The following LMX1B variants were observed in gnomAD, a reference collection of about 807,000 sequenced individuals.
The protein encoded by LMX1B is LIM homeobox transcription factor 1-beta.
In LMX1B, 12 loss-of-function variants were observed where a neutral mutation model predicts 51.4. The ratio of observed to expected loss-of-function variants is 0.23; its 90% CI spans 0.15 to 0.38. The LOEUF (loss-of-function observed/expected upper bound fraction) is 0.38, where lower values mean the gene tolerates loss of function less well. Among genes scored for constraint, LMX1B ranks in the 10% least tolerant of loss-of-function variants. The pLI, the probability that LMX1B is intolerant of heterozygous loss-of-function variation, is 1.00. For missense variants in LMX1B, 445 were observed against 571.1 expected (o/e 0.78, Z 2.25); for synonymous variants, 237 against 235.4 (o/e 1.01, Z -0.06).
chr9:126,673,177 G>A lies in LMX1B; in HGVS notation c.327-17659G>A, dbSNP rs150004042. 7.9e-5 allele frequency among the ~76,000 whole-genome samples: 12 copies of A among 152,154 alleles called. No individual in the cohort carries two copies. The highest frequency in any genetic ancestry group is 1.6e-4 in the Non-Finnish European group (11 of 68,032). ...GAGGAGATGAGAACTCCAGAAGCTC[G>A]GGCCAGAGCCTGGCTCACAGCAGGT... On this transcript the variant is annotated intron_variant, in intron 2 of 7. Transcript: ENST00000373474. This position sits in a 1 kb window ranked among gnomAD's most constrained non-coding sequence, Gnocchi z 4.4.
chr9:126,678,149 T>C (rs577786926), intron 2 of LMX1B, among the ~76,000 whole-genome samples: 3 of 151,398 alleles, frequency 2.0e-5, no homozygotes, highest in Non-Finnish European at 2.9e-5. Flanking sequence ...CATCTCTACT[T>C]AAAATACAAA....
Position 126,618,918 on chromosome 9 carries a change from G to C in LMX1B, c.326+3349G>C, listed in dbSNP as rs1835356365. ...GGTGCAAGCGGGCGCCTTTGTGCACGGCGAGACGCGGGGTTCCGGCCCGGG... is the reference window on the plus strand; with the variant it reads ...GGTGCAAGCGGGCGCCTTTGTGCACCGCGAGACGCGGGGTTCCGGCCCGGG... On this transcript the variant is annotated intron_variant, in intron 2 of 7. Transcript: ENST00000373474. This position sits in a 1 kb window ranked among gnomAD's most constrained non-coding sequence, Gnocchi z 4.5. 6.6e-6 allele frequency among the ~76,000 whole-genome samples: 1 copy of C among 151,894 alleles called. No homozygotes were observed. The highest frequency in any genetic ancestry group is 2.1e-4 in the South Asian group (1 of 4,804).
intron 2 of LMX1B, among the ~76,000 whole-genome samples, chr9:126,631,516 C>G (rs4076039): frequency 6.7e-6 from 1 of 149,570 alleles, no homozygotes; most frequent in South Asian, 2.2e-4. Context: ...CTCGGCCGGC[C>G]GGGATGGGGC....
At chr9:126,651,139 C>T (rs1330043201) in intron 2 of LMX1B, among the ~76,000 whole-genome samples, 1 of 151,954 alleles carries the variant, frequency 6.6e-6, no homozygotes, top group Non-Finnish European at 1.5e-5. Flanking sequence ...ATCTCTCTCT[C>T]TCTCTCCCTC....
At chr9:126,624,668 T>G (rs1380695995) in intron 2 of LMX1B, among the ~76,000 whole-genome samples, 12 of 840 alleles carry the variant, frequency 0.014, no homozygotes, top group Non-Finnish European at 0.054. Context: ...TTTATCTTGT[T>G]TTTTTTTTTT....
chr9:126,688,058 C>G (rs547108887), intron 2 of LMX1B, among the ~76,000 whole-genome samples: 2 of 152,192 alleles, frequency 1.3e-5, no homozygotes, highest in Non-Finnish European at 2.9e-5. Flanking sequence ...GGAGACCAAA[C>G]GGATGGCGCA....
At chr9:126,669,665 C>T (rs184663230) in intron 2 of LMX1B, among the ~76,000 whole-genome samples, 1 of 152,238 alleles carries the variant, frequency 6.6e-6, no homozygotes, top group Admixed American at 6.5e-5. Context: ...CCTGTGTGTA[C>T]GTCTGTATAT....
chr9:126,633,619 G>A (rs905686629), intron 2 of LMX1B, among the ~76,000 whole-genome samples: 3 of 152,104 alleles, frequency 2.0e-5, no homozygotes, highest in African/African-American at 4.8e-5. Context: ...AGTACCCTCC[G>A]GGAGATGGGA....
chr9:126,668,868 T>A (rs1463755881), intron 2 of LMX1B, among the ~76,000 whole-genome samples: 4 of 152,234 alleles, frequency 2.6e-5, no homozygotes, highest in Non-Finnish European at 5.9e-5. Flanking sequence ...CAGGGGATGA[T>A]AGACAGGCAG....
intron 2 of LMX1B, among the ~76,000 whole-genome samples, chr9:126,639,841 T>G (rs1349556858): frequency 6.6e-6 from 1 of 152,234 alleles, no homozygotes; most frequent in Non-Finnish European, 1.5e-5. Context: ...GCTTCTCATA[T>G]GTGGGGCTGT....
chr9:126,662,274 C>T (rs1459051723), intron 2 of LMX1B, among the ~76,000 whole-genome samples: 2 of 152,146 alleles, frequency 1.3e-5, no homozygotes, highest in African/African-American at 4.8e-5. Flanking sequence ...CTGTGTGGTG[C>T]TTAGCATGAG....
chr9:126,685,994 G>T (rs1393911556), intron 2 of LMX1B, among the ~76,000 whole-genome samples: 1 of 152,098 alleles, frequency 6.6e-6, no homozygotes, highest in Non-Finnish European at 1.5e-5. Context: ...AGTGCTCCCA[G>T]GACATTAGGA....
At chr9:126,659,961 GTC>G (rs1836198879) in intron 2 of LMX1B, among the ~76,000 whole-genome samples, 1 of 149,588 alleles carries the variant, frequency 6.7e-6, no homozygotes, top group African/African-American at 2.5e-5. Context: ...GTGTGGGGGT[GTC>G]TACACTGGCT....
intron 2 of LMX1B, among the ~76,000 whole-genome samples, chr9:126,651,304 G>A (rs1168185584): frequency 1.3e-5 from 2 of 151,994 alleles, no homozygotes; most frequent in Non-Finnish European, 2.9e-5. Context: ...GACTGGGGGG[G>A]GTGGCTCCAA....
intron 1 of LMX1B, 110 bp downstream of exon 1, chr9:126,614,698 C>T (rs2118820182): frequency 1.7e-6 from 2 of 1,212,084 alleles, no homozygotes; most frequent in South Asian, 3.5e-5. Flanking sequence ...GTTTGCAGGA[C>T]ATGGGGAGGA....
intron 2 of LMX1B, among the ~76,000 whole-genome samples, chr9:126,655,019 ACCTGGGG>A (rs1836086362): frequency 3.3e-5 from 5 of 152,296 alleles, no homozygotes; most frequent in Admixed American, 2.6e-4. Flanking sequence ...TCCTGTTGTG[ACCTGGGG>A]CAAGTCCCTT....
rs746457595 is a variant in LMX1B, at chr9:126,696,366, C to T, written c.1124C>T (p.Ser375Phe). 6.2e-6 allele frequency: 10 copies of T among 1,614,008 alleles called. No individual in the cohort carries two copies. Among genetic ancestry groups the T allele is most frequent in the Non-Finnish European group, 8.5e-6 (10 of 1,179,980 alleles). ...AGCCTCAGCGACTGCTTCCTCGGCT[C>T]CTCAGACGTGGGCTCCCTGCAGGCC... The part of the protein sequence containing the change: ...LTSLSDCFLG[S>F]SDVGSLQARV... The change falls in exon 8 of 8, where the codon TCC becomes TTC. Residue 375 changes from serine to phenylalanine, a missense_variant. Physicochemically the swap from Ser to Phe is radical, Grantham distance 155 (BLOSUM62 -2). Coordinates refer to ENST00000373474, the MANE Select transcript of LMX1B (RefSeq NM_001174147.2).
At chr9:126,651,540 T>G (rs1382643289) in intron 2 of LMX1B, among the ~76,000 whole-genome samples, 4 of 151,798 alleles carry the variant, frequency 2.6e-5, no homozygotes, top group South Asian at 4.2e-4. Context: ...TCTCCCCCCC[T>G]CCCAACAACA....
At chr9:126,666,056 C>G (rs117858193) in intron 2 of LMX1B, among the ~76,000 whole-genome samples, 264 of 152,390 alleles carry the variant, frequency 1.7e-3, no homozygotes, top group Non-Finnish European at 2.9e-3. Context: ...TGCCCTGCGC[C>G]TCAGTAACCC....
Sources: gnomAD v4.1 joint callset for allele counts (sites outside exome capture counted in the v4.1 genomes callset) on GRCh38, gnomAD v4.1.1 for gene constraint, Gnocchi (gnomAD v3.1) non-coding constraint, MANE v1.5 for transcripts, NCBI Gene and HGNC (gene_info 2026-07-23, HGNC 2026-07-21) for gene names.